Variants in GALNT2 observed in about 807,000 individuals in gnomAD.
GALNT2 encodes UDP-GalNAc:polypeptide N-acetylgalactosaminyltransferase 2.
In GALNT2, 31 loss-of-function variants were observed where a neutral mutation model predicts 81.4. The observed-to-expected ratio is 0.38, with a 90% CI of 0.29 to 0.51. GALNT2 has a LOEUF of 0.51. GALNT2 is among the 20% of genes least tolerant of loss of function. GALNT2 has a pLI of 0.87. For missense variants in GALNT2, 629 were observed against 765.7 expected, an observed-to-expected ratio of 0.82 and a Z score of 2.11; for synonymous variants, 303 against 287.4, an observed-to-expected ratio of 1.05 and a Z score of -0.55.
At chr1:230,211,275 C>A (rs1664226046) in intron 3 of GALNT2, among the ~76,000 whole-genome samples, 2 of 152,158 alleles carry the variant, frequency 1.3e-5, no homozygotes, top group South Asian at 2.1e-4. Context: ...ACCACAGGGT[C>A]CTGGTGGAGG....
chr1:230,208,280 G>A (rs569534301), intron 3 of GALNT2, among the ~76,000 whole-genome samples: 2 of 152,254 alleles, frequency 1.3e-5, no homozygotes, highest in South Asian at 4.1e-4. Context: ...TATTCTGAAG[G>A]TGGGGCCAAC....
chr1:230,270,655 T>A (rs2102775671), intron 14 of GALNT2, among the ~76,000 whole-genome samples: 1 of 152,282 alleles, frequency 6.6e-6, no homozygotes, highest in South Asian at 2.1e-4. Flanking sequence ...TTGCATAGCG[T>A]GTGACACGGA....
chr1:230,161,637 C>T (rs373759081), intron 1 of GALNT2, among the ~76,000 whole-genome samples: 20 of 152,188 alleles, frequency 1.3e-4, no homozygotes, highest in African/African-American at 4.6e-4. Flanking sequence ...GCTTCAAAGT[C>T]CAGCCTGAAT....
chr1:230,100,027 C>A (rs60560563), intron 1 of GALNT2, among the ~76,000 whole-genome samples: 2 of 152,196 alleles, frequency 1.3e-5, no homozygotes, highest in Non-Finnish European at 2.9e-5. Context: ...CAGTGTTGAT[C>A]TGAGGATATA....
chr1:230,278,566 T>TA, intron 15 of GALNT2, among the ~76,000 whole-genome samples: 1 of 152,242 alleles, frequency 6.6e-6, no homozygotes, highest in Middle Eastern at 3.4e-3. Context: ...TGAGTGTTAG[T>TA]AAAGAGGCAT....
In GALNT2 at chr1:230,112,448, C is replaced by T. The variant is rs547443696; in HGVS notation, c.126+45042C>T. On this transcript the variant is annotated intron_variant, in intron 1 of 15. Transcript: ENST00000366672. ...TAGCTTGTTCCTGTTTTCATGGAGT[C>T]GCAGAGATCAGAAAGCATTTATGCC... Among the ~76,000 whole-genome samples, 27 of 151,754 alleles carry T rather than the reference C, an allele frequency of 1.8e-4. 1 individual carries two copies. The highest frequency in any genetic ancestry group is 1.2e-3 in the Admixed American group (18 of 15,246).
At chr1:230,231,122 T>C (rs1055621632) in intron 3 of GALNT2, among the ~76,000 whole-genome samples, 1 of 152,208 alleles carries the variant, frequency 6.6e-6, no homozygotes, top group South Asian at 2.1e-4. Context: ...AGAGCCTGTC[T>C]CATCGGCTGC....
At chr1:230,267,323 C>T (rs1304282004) in intron 14 of GALNT2, among the ~76,000 whole-genome samples, 5 of 152,230 alleles carry the variant, frequency 3.3e-5, no homozygotes, top group Non-Finnish European at 7.3e-5. Flanking sequence ...CACAGTTGAG[C>T]AGAGGAGCCA....
intron 6 of GALNT2, among the ~76,000 whole-genome samples, chr1:230,239,029 C>T (rs1394609519): frequency 6.6e-6 from 1 of 152,058 alleles, no homozygotes; most frequent in African/African-American, 2.4e-5. Flanking sequence ...TAGGCGTATT[C>T]AGATCTGCTG....
intron 3 of GALNT2, among the ~76,000 whole-genome samples, chr1:230,233,303 ATATT>A (rs1432697859): frequency 2.0e-5 from 3 of 152,326 alleles, no homozygotes; most frequent in African/African-American, 7.2e-5. Flanking sequence ...CTGGCAAACA[ATATT>A]AAGAGCTACA....
chr1:230,236,821 T>C, intron 6 of GALNT2, 96 bp downstream of exon 6: 1 of 1,258,758 alleles, frequency 7.9e-7, no homozygotes, highest in East Asian at 2.4e-5. Context: ...CAATTAATTG[T>C]CTAGCTTTTT....
chr1:230,274,015 C>A (rs1666219669), intron 14 of GALNT2, among the ~76,000 whole-genome samples: 1 of 152,236 alleles, frequency 6.6e-6, no homozygotes. Context: ...CAGGCCATAC[C>A]TGCATGAGGG....
At position 230,155,904 on chromosome 1, in the gene GALNT2, G is replaced by C. The variant is rs145201260; in HGVS notation, c.127-22314G>C. On this transcript the variant is annotated intron_variant, in intron 1 of 15. Transcript: ENST00000366672. ...GCTTTAAAAGGACTAATTCTGTAGTGATTTTGCCACATGGAGAGGGGAGGG... is the reference window on the plus strand; with the variant it reads ...GCTTTAAAAGGACTAATTCTGTAGTCATTTTGCCACATGGAGAGGGGAGGG... Among the ~76,000 whole-genome samples the C allele has an allele frequency of 1.2e-3, 180 of 152,248 alleles. 1 individual carries two copies. Among genetic ancestry groups the C allele is most frequent in the Non-Finnish European group, 2.2e-3 (147 of 68,016 alleles).
intron 3 of GALNT2, among the ~76,000 whole-genome samples, chr1:230,212,253 AG>A (rs1664256147): frequency 6.6e-6 from 1 of 152,052 alleles, no homozygotes; most frequent in Non-Finnish European, 1.5e-5. Flanking sequence ...CGCTCTTCAG[AG>A]GGTCTTTCAT....
chr1:230,094,704 T>C (rs1221335893), intron 1 of GALNT2, among the ~76,000 whole-genome samples: 2 of 152,148 alleles, frequency 1.3e-5, no homozygotes, highest in Admixed American at 1.3e-4. Context: ...AAAAAGGGTG[T>C]ATGTAGTAGA....
rs181729449 is a variant in GALNT2 at position 230,213,981 on chromosome 1, G to A, written c.374+10691G>A. Among the ~76,000 whole-genome samples, 107 of 151,942 alleles carry A rather than the reference G, an allele frequency of 7.0e-4. 2 individuals are homozygous for A. Among genetic ancestry groups the A allele is most frequent in the Non-Finnish European group, 2.4e-4 (16 of 67,984 alleles). On this transcript the variant is annotated intron_variant, in intron 3 of 15. Coordinates refer to ENST00000366672, the MANE Select transcript of GALNT2 (RefSeq NM_004481.5). ...TTATTCACATATTTATATTCCCATT[G>A]CTCCTCATTTCTTATATTTCTATTT...
intron 1 of GALNT2, among the ~76,000 whole-genome samples, chr1:230,153,942 C>T (rs983211050): frequency 2.0e-5 from 3 of 152,242 alleles, no homozygotes; most frequent in African/African-American, 7.2e-5. Context: ...TACAAACTCT[C>T]ATGCAGATTT....
chr1:230,093,609 C>T (rs1660159182), intron 1 of GALNT2, among the ~76,000 whole-genome samples: 1 of 152,244 alleles, frequency 6.6e-6, no homozygotes, highest in African/African-American at 2.4e-5. Context: ...GGGCCGTTTA[C>T]TGGCCTTGCA....
At chr1:230,181,860 C>T (rs186493002) in intron 2 of GALNT2, among the ~76,000 whole-genome samples, 1 of 152,286 alleles carries the variant, frequency 6.6e-6, no homozygotes, top group East Asian at 1.9e-4. Context: ...AGTGAACACA[C>T]CTAGGCCAGG....
Sources: gnomAD v4.1 joint callset for allele counts (sites outside exome capture counted in the v4.1 genomes callset) on GRCh38, gnomAD v4.1.1 for gene constraint, MANE v1.5 for transcripts, NCBI Gene and HGNC (gene_info 2026-07-23, HGNC 2026-07-21) for gene names.